CNTN3: variants seen among roughly 807,000 people sequenced by gnomAD.
The protein encoded by CNTN3 is contactin 3.
CNTN3 carries 60 observed loss-of-function variants against 119.1 expected under a neutral mutation model. The observed-to-expected ratio is 0.50, with a 90% CI of 0.41 to 0.62. The LOEUF (loss-of-function observed/expected upper bound fraction) is 0.62. Among genes scored for constraint, CNTN3 ranks in the 20% least tolerant of loss-of-function variants. The probability of loss-of-function intolerance (pLI) is 0.00; values close to 1 mark genes in which losing one functional copy is unlikely to be tolerated. For missense variants in CNTN3, 1,101 were observed against 1,242.4 expected (o/e 0.89, Z 1.71); for synonymous variants, 450 against 438.7 (o/e 1.03, Z -0.32).
chr3:74,600,820 T>A (rs972885309), intron 1 of CNTN3, among the ~76,000 whole-genome samples: 1 of 152,018 alleles, frequency 6.6e-6, no homozygotes. Flanking sequence ...GGCCAGATTT[T>A]TTCAACCAGA....
chr3:74,317,315 T>C (rs1250934768), intron 13 of CNTN3, among the ~76,000 whole-genome samples: 13 of 151,564 alleles, frequency 8.6e-5, no homozygotes, highest in Non-Finnish European at 8.8e-5. Flanking sequence ...TGTCTTTTAA[T>C]TGGAGCATTT....
At chr3:74,411,992 A>C (rs1701446192) in intron 5 of CNTN3, among the ~76,000 whole-genome samples, 1 of 152,214 alleles carries the variant, frequency 6.6e-6, no homozygotes, top group African/African-American at 2.4e-5. Flanking sequence ...AAAGTCCTTA[A>C]ATTTCTGAAT....
At chr3:74,560,017 G>C (rs903233755) in intron 1 of CNTN3, among the ~76,000 whole-genome samples, 5 of 152,080 alleles carry the variant, frequency 3.3e-5, no homozygotes, top group Admixed American at 3.3e-4. Context: ...AACTCAACAG[G>C]CATGCTATTT....
At chr3:74,540,124 T>G (rs73839772) in intron 1 of CNTN3, among the ~76,000 whole-genome samples, 1 of 152,104 alleles carries the variant, frequency 6.6e-6, no homozygotes, top group East Asian at 1.9e-4. Context: ...AAGAAGTATA[T>G]AGCTGAAATA....
intron 1 of CNTN3, among the ~76,000 whole-genome samples, chr3:74,578,117 A>C (rs761759718): frequency 6.6e-6 from 1 of 152,102 alleles, no homozygotes; most frequent in African/African-American, 2.4e-5. Context: ...TTAAGAAAGC[A>C]TGAATGACTA....
In CNTN3 at chr3:74,262,849, T is replaced by C. The variant is rs985660437; in HGVS notation, c.*1552A>G. The C allele has an allele frequency of 3.3e-5, 5 of 152,248 alleles. 1 individual carries two copies. Among genetic ancestry groups the C allele is most frequent in the South Asian group, 2.1e-4 (1 of 4,830 alleles). The allele number at this position is 152,248 out of a possible 1,614,324, so 9.4% of individuals were successfully genotyped here. A position where few individuals can be genotyped will look rare whatever the true frequency, so the allele number is the denominator to read the frequency against. ...GAGAAAGTGGAAATAACAATGGTCA[T>C]ATGAAATCTACTAGTCATTCAGATT... On this transcript the variant is annotated 3_prime_UTR_variant, in exon 23 of 23. Coordinates refer to ENST00000263665, the MANE Select transcript of CNTN3 (RefSeq NM_020872.3).
intron 1 of CNTN3, among the ~76,000 whole-genome samples, chr3:74,533,308 A>C (rs1212911118): frequency 6.6e-6 from 1 of 152,060 alleles, no homozygotes; most frequent in Non-Finnish European, 1.5e-5. Flanking sequence ...GAGCTCTCTT[A>C]GGCTAAACAT....
rs1291189130 is a variant in CNTN3, at chr3:74,461,450, G to C, written c.358+25006C>G. Among the ~76,000 whole-genome samples, 4 of 151,936 alleles carry C rather than the reference G, an allele frequency of 2.6e-5. No homozygotes were observed. In the East Asian group the frequency reaches 5.8e-4, roughly 22 times the overall value. On this transcript the variant is annotated intron_variant, in intron 4 of 22. Coordinates refer to ENST00000263665, the MANE Select transcript of CNTN3 (RefSeq NM_020872.3). ...AATTGGTAATTAGACCTAGAGGCTT[G>C]ATTAGAGTCAAGTTATTATTTACTG...
At chr3:74,415,805 C>T (rs183550373) in intron 5 of CNTN3, among the ~76,000 whole-genome samples, 9 of 152,278 alleles carry the variant, frequency 5.9e-5, no homozygotes, top group Non-Finnish European at 1.3e-4. Flanking sequence ...GAGGCATCAG[C>T]TTTCTTGGCT....
chr3:74,519,609 T>C (rs1447419116), intron 2 of CNTN3, among the ~76,000 whole-genome samples: 1 of 151,740 alleles, frequency 6.6e-6, no homozygotes. Context: ...TAAACAGTAA[T>C]ACTGCTGCAG....
intron 1 of CNTN3, among the ~76,000 whole-genome samples, chr3:74,592,240 G>A (rs1704715793): frequency 6.6e-6 from 1 of 151,882 alleles, no homozygotes; most frequent in Non-Finnish European, 1.5e-5. Context: ...TCAGAAGGCA[G>A]ACTGGAAGAT....
rs577723950 is a variant in CNTN3, at chr3:74,535,842, C to G, written c.-80-14650G>C. On this transcript the variant is annotated intron_variant, in intron 1 of 22. Coordinates refer to ENST00000263665, the MANE Select transcript of CNTN3 (RefSeq NM_020872.3). ...AATCACAACTTCAAGACATTCGTGA[C>G]GACCAAACCAAATATATCTGCAACT... is the stretch of plus-strand genomic sequence containing the variant. Among the ~76,000 whole-genome samples the G allele has an allele frequency of 3.8e-3, 572 of 152,152 alleles. 5 individuals carry two copies. The highest frequency in any genetic ancestry group is 5.5e-3 in the Non-Finnish European group (374 of 67,984).
At chr3:74,297,323 G>A (rs1702358949) in intron 18 of CNTN3, among the ~76,000 whole-genome samples, 1 of 151,570 alleles carries the variant, frequency 6.6e-6, no homozygotes. Context: ...GTTATGATCT[G>A]AGACAGGTCT....
chr3:74,468,377 T>A (rs7432452), intron 4 of CNTN3, among the ~76,000 whole-genome samples: 83,412 of 151,832 alleles, frequency 0.55, 23,268 homozygotes, highest in African/African-American at 0.57. Context: ...AGATTTTTTT[T>A]AAATGAAATA....
chr3:74,566,170 C>A (rs1045506165), intron 1 of CNTN3, among the ~76,000 whole-genome samples: 4 of 152,104 alleles, frequency 2.6e-5, no homozygotes, highest in Non-Finnish European at 5.9e-5. Context: ...GTTGTCCTGG[C>A]AGGAACGGGT....
chr3:74,298,752 C>A (rs1431629959), intron 17 of CNTN3, among the ~76,000 whole-genome samples: 2 of 151,836 alleles, frequency 1.3e-5, no homozygotes, highest in African/African-American at 4.8e-5. Context: ...CAAAAATTAG[C>A]CGGGCGTGGT....
At chr3:74,503,021 T>C (rs1703192270) in intron 2 of CNTN3, among the ~76,000 whole-genome samples, 1 of 152,188 alleles carries the variant, frequency 6.6e-6, no homozygotes, top group African/African-American at 2.4e-5. Flanking sequence ...GCAGATACTA[T>C]TTTACAGCTA....
At chr3:74,414,113 T>C (rs539202548) in intron 5 of CNTN3, among the ~76,000 whole-genome samples, 2 of 152,310 alleles carry the variant, frequency 1.3e-5, no homozygotes, top group African/African-American at 4.8e-5. Flanking sequence ...CCTGGGCATG[T>C]GGATGGATGA....
chr3:74,569,763 C>T (rs747812332), intron 1 of CNTN3, among the ~76,000 whole-genome samples: 36 of 152,148 alleles, frequency 2.4e-4, no homozygotes, highest in Non-Finnish European at 4.0e-4. Flanking sequence ...GTCCTCTGCT[C>T]GGGCTCTCAG....
Sources: gnomAD v4.1 joint callset for allele counts (sites outside exome capture counted in the v4.1 genomes callset) on GRCh38, gnomAD v4.1.1 for gene constraint, MANE v1.5 for transcripts, NCBI Gene and HGNC (gene_info 2026-07-23, HGNC 2026-07-21) for gene names.